The following LRRC4C variants were observed in gnomAD, a reference collection of about 807,000 sequenced individuals.
LRRC4C encodes the protein leucine-rich repeat-containing protein 4C.
A neutral mutation model predicts 33.6 loss-of-function variants in LRRC4C; 5 were observed. The observed-to-expected ratio is 0.15, with a 90% confidence interval of 0.08 to 0.31. The LOEUF is 0.31. Among genes scored for constraint, LRRC4C ranks in the 10% least tolerant of loss-of-function variants. The pLI is 1.00. For synonymous variants in LRRC4C, 329 were observed against 302.0 expected, an observed-to-expected ratio of 1.09 and a Z score of -0.93; for missense variants, 560 against 796.7, an observed-to-expected ratio of 0.70 and a Z score of 3.58.
chr11:40,711,835 A>G (rs766035073), intron 2 of LRRC4C, among the ~76,000 whole-genome samples: 1 of 152,228 alleles, frequency 6.6e-6, no homozygotes, highest in Non-Finnish European at 1.5e-5. Context: ...TAAGTTGGAA[A>G]CATAAATGCA....
chr11:40,497,769 C>A (rs1659500635), intron 3 of LRRC4C, among the ~76,000 whole-genome samples: 1 of 152,128 alleles, frequency 6.6e-6, no homozygotes, highest in African/African-American at 2.4e-5. Flanking sequence ...CACAAATAGT[C>A]ACTATTGATA....
At chr11:41,373,124 A>G (rs1342222723) in intron 1 of LRRC4C, among the ~76,000 whole-genome samples, 3 of 152,160 alleles carry the variant, frequency 2.0e-5, no homozygotes, top group Non-Finnish European at 2.9e-5. Context: ...AGACATTAGG[A>G]AAGAGTAGAG....
chr11:40,500,436 T>C (rs1189869661), intron 3 of LRRC4C, among the ~76,000 whole-genome samples: 1 of 151,764 alleles, frequency 6.6e-6, no homozygotes, highest in African/African-American at 2.4e-5. Flanking sequence ...TTTCATGCTG[T>C]CTTTCAAAAA....
chr11:40,273,366 T>A (rs944844759), intron 4 of LRRC4C, among the ~76,000 whole-genome samples: 2 of 152,138 alleles, frequency 1.3e-5, no homozygotes, highest in Non-Finnish European at 2.9e-5. Context: ...TTTATCCTAA[T>A]GATCAGTGCA....
At chr11:41,055,576 T>G (rs896091594) in intron 1 of LRRC4C, among the ~76,000 whole-genome samples, 1 of 152,170 alleles carries the variant, frequency 6.6e-6, no homozygotes, top group African/African-American at 2.4e-5. Context: ...ATCTTTTCAG[T>G]TCCTAATGAG....
chr11:40,159,024 A>G (rs1858938883), intron 5 of LRRC4C, among the ~76,000 whole-genome samples: 1 of 152,180 alleles, frequency 6.6e-6, no homozygotes, highest in Non-Finnish European at 1.5e-5. Flanking sequence ...AATTGGACAG[A>G]TAGTGGAGTT....
intron 1 of LRRC4C, among the ~76,000 whole-genome samples, chr11:41,132,782 T>C (rs943030029): frequency 3.9e-5 from 6 of 152,156 alleles, no homozygotes; most frequent in African/African-American, 1.4e-4. Context: ...TAATCTTCTT[T>C]TATTAAGCAA....
chr11:40,126,989 A>G lies in LRRC4C; in HGVS notation c.-42-10655T>C, dbSNP rs544809045. ...AAAAAAAATAAATAAAAAGAAGAAG[A>G]GAATTTGGGGCCAGGTGTAGTGGCT... On this transcript the variant is annotated intron_variant, in intron 6 of 6. Transcript: ENST00000528697. 8.6e-4 allele frequency among the ~76,000 whole-genome samples: 130 copies of G among 151,888 alleles called. 1 individual carries two copies. The South Asian group carries it at 0.025, about 29-fold the overall frequency.
Position 40,897,784 on chromosome 11 carries a change from C to A in LRRC4C, c.-407+35851G>T, listed in dbSNP as rs548642828. Reference sequence around the variant, plus strand: ...ACTGACCTACATTTTAACTGACTGGCCAGATTAATCACAACCAGCCTTGAT... The same window carrying A: ...ACTGACCTACATTTTAACTGACTGGACAGATTAATCACAACCAGCCTTGAT... On this transcript the variant is annotated intron_variant, in intron 2 of 6. Coordinates refer to ENST00000528697, the MANE Select transcript of LRRC4C (RefSeq NM_001258419.2). Among the ~76,000 whole-genome samples the A allele has an allele frequency of 3.3e-5, 5 of 152,226 alleles. No individual in the cohort carries two copies. In the South Asian group the frequency reaches 1.0e-3, roughly 32 times the overall value.
At chr11:40,366,059 A>G (rs533195181) in intron 3 of LRRC4C, among the ~76,000 whole-genome samples, 1 of 152,128 alleles carries the variant, frequency 6.6e-6, no homozygotes, top group Non-Finnish European at 1.5e-5. Flanking sequence ...TATTACTTAG[A>G]AAAAGCCTGA....
chr11:41,229,237 C>T (rs1390964314), intron 1 of LRRC4C, among the ~76,000 whole-genome samples: 1 of 152,050 alleles, frequency 6.6e-6, no homozygotes, highest in Non-Finnish European at 1.5e-5. Context: ...AATGTGCACA[C>T]ATAGAGACAA....
chr11:40,911,726 C>A (rs901324112), intron 2 of LRRC4C, among the ~76,000 whole-genome samples: 4 of 152,154 alleles, frequency 2.6e-5, no homozygotes, highest in Non-Finnish European at 2.9e-5. Context: ...GAGAAGAAGG[C>A]TTCAGACGAT....
At chr11:41,159,490 A>T (rs1417594174) in intron 1 of LRRC4C, among the ~76,000 whole-genome samples, 1 of 152,084 alleles carries the variant, frequency 6.6e-6, no homozygotes, top group Non-Finnish European at 1.5e-5. Context: ...GTCTGAGAGG[A>T]GTATGAGAAT....
intron 1 of LRRC4C, among the ~76,000 whole-genome samples, chr11:40,948,033 G>C (rs1210828872): frequency 6.6e-6 from 1 of 152,042 alleles, no homozygotes; most frequent in Admixed American, 6.6e-5. Context: ...TTGGTGAAAA[G>C]TAGAATTCAG....
intron 1 of LRRC4C, among the ~76,000 whole-genome samples, chr11:41,088,947 T>C (rs1223219539): frequency 2.0e-5 from 3 of 152,166 alleles, no homozygotes; most frequent in South Asian, 4.1e-4. Flanking sequence ...ATTTAAGAGA[T>C]ACATAATATT....
intron 1 of LRRC4C, among the ~76,000 whole-genome samples, chr11:40,996,577 T>G (rs1592291374): frequency 6.6e-6 from 1 of 152,116 alleles, no homozygotes; most frequent in Non-Finnish European, 1.5e-5. Flanking sequence ...GCCACATGTG[T>G]CAGTCATTTT....
At chr11:40,393,204 A>T (rs1336214066) in intron 3 of LRRC4C, among the ~76,000 whole-genome samples, 1 of 152,160 alleles carries the variant, frequency 6.6e-6, no homozygotes, top group African/African-American at 2.4e-5. Flanking sequence ...TATTTCAGGG[A>T]TAAATGAAAC....
chr11:40,508,755 G>C (rs1955161637), intron 3 of LRRC4C, among the ~76,000 whole-genome samples: 1 of 152,152 alleles, frequency 6.6e-6, no homozygotes, highest in African/African-American at 2.4e-5. Flanking sequence ...TTTCAAGGCT[G>C]CTGGGATATT....
chr11:40,402,593 C>A (rs1010504568), intron 3 of LRRC4C, among the ~76,000 whole-genome samples: 1 of 152,036 alleles, frequency 6.6e-6, no homozygotes, highest in South Asian at 2.1e-4. Flanking sequence ...GAAGCATAAA[C>A]CTTTCTTCAT....
Sources: allele counts gnomAD v4.1 joint callset (sites outside exome capture counted in the v4.1 genomes callset), GRCh38; gene constraint gnomAD v4.1.1; transcripts MANE v1.5; gene names NCBI Gene and HGNC (gene_info 2026-07-23, HGNC 2026-07-21).